The following CSMD1 variants were observed in gnomAD, a reference collection of about 807,000 sequenced individuals.
CSMD1 encodes the protein CUB and sushi domain-containing protein 1.
CSMD1 carries 213 observed loss-of-function variants against 417.5 expected under a neutral mutation model. That is an observed-to-expected ratio of 0.51 (90% CI 0.46 to 0.57). The LOEUF (loss-of-function observed/expected upper bound fraction) is 0.57, where lower values mean the gene tolerates loss of function less well. Among genes scored for constraint, CSMD1 ranks in the 20% least tolerant of loss-of-function variants. The pLI, the probability that CSMD1 is intolerant of heterozygous loss-of-function variation, is 0.00. For synonymous variants in CSMD1, 2,862 were observed against 1,736.8 expected (o/e 1.65, Z -16.11); for missense variants, 6,923 against 4,529.7 (o/e 1.53, Z -15.17).
At chr8:4,737,278 T>C (rs958138168) in intron 1 of CSMD1, among the ~76,000 whole-genome samples, 1 of 151,794 alleles carries the variant, frequency 6.6e-6, no homozygotes, top group African/African-American at 2.4e-5. Flanking sequence ...AAGTGGGAGC[T>C]AACTGATAAG....
intron 1 of CSMD1, among the ~76,000 whole-genome samples, chr8:4,848,787 G>A (rs199696294): frequency 4.6e-5 from 7 of 152,262 alleles, no homozygotes; most frequent in East Asian, 3.9e-4. Context: ...CAGGTGATTC[G>A]GCCGTCTCAG....
At chr8:3,100,406 A>C (rs994778048) in intron 46 of CSMD1, among the ~76,000 whole-genome samples, 21 of 151,402 alleles carry the variant, frequency 1.4e-4, no homozygotes, top group African/African-American at 5.1e-4. Flanking sequence ...ATATGGAACC[A>C]CTCCTTCTCC....
intron 1 of CSMD1, among the ~76,000 whole-genome samples, chr8:4,675,255 A>G (rs921797074): frequency 6.6e-6 from 1 of 152,198 alleles, no homozygotes; most frequent in Non-Finnish European, 1.5e-5. Flanking sequence ...AAAACACTTA[A>G]AACTTTCACT....
chr8:3,701,768 G>C (rs974402478), intron 7 of CSMD1, among the ~76,000 whole-genome samples: 3 of 152,098 alleles, frequency 2.0e-5, no homozygotes, highest in East Asian at 1.9e-4. Context: ...CAGTAATTGA[G>C]ACATCACTTT....
At chr8:4,422,674 G>A (rs571950190) in intron 2 of CSMD1, among the ~76,000 whole-genome samples, 2 of 152,126 alleles carry the variant, frequency 1.3e-5, no homozygotes, top group African/African-American at 2.4e-5. Context: ...ATAGTAGTTT[G>A]TTATGGCAGC....
At chr8:3,225,119 T>C (rs1172684755) in intron 27 of CSMD1, among the ~76,000 whole-genome samples, 1 of 152,178 alleles carries the variant, frequency 6.6e-6, no homozygotes, top group Non-Finnish European at 1.5e-5. Flanking sequence ...GTAAATAAGA[T>C]GAAGGAAGAT....
At chr8:4,985,986 C>T (rs1306408964) in intron 1 of CSMD1, among the ~76,000 whole-genome samples, 1 of 152,164 alleles carries the variant, frequency 6.6e-6, no homozygotes, top group Non-Finnish European at 1.5e-5. Flanking sequence ...TTGCCAAGGT[C>T]TCTCTTCTTT....
chr8:4,864,572 T>C (rs1802315290), intron 1 of CSMD1, among the ~76,000 whole-genome samples: 1 of 151,738 alleles, frequency 6.6e-6, no homozygotes, highest in South Asian at 2.1e-4. Context: ...TTGCCAGAGT[T>C]CATAATGATC....
At chr8:4,787,528 T>C in intron 1 of CSMD1, 4 of 1,197,348 alleles carry the variant, frequency 3.3e-6, no homozygotes, top group Non-Finnish European at 4.9e-6. Flanking sequence ...AGGAAGCAGG[T>C]ATTAAAACTG....
chr8:4,982,688 C>T (rs1584950673), intron 1 of CSMD1, among the ~76,000 whole-genome samples: 1 of 152,078 alleles, frequency 6.6e-6, no homozygotes. Context: ...TTTTAAAAGA[C>T]CTATCATTGT....
At chr8:3,246,980 G>C (rs1799924943) in intron 26 of CSMD1, among the ~76,000 whole-genome samples, 1 of 152,164 alleles carries the variant, frequency 6.6e-6, no homozygotes, top group Non-Finnish European at 1.5e-5. Context: ...AGTGAATTAT[G>C]TTAAGGCAAG....
In CSMD1 at chr8:4,013,809, T is replaced by G. The variant is rs147384234; in HGVS notation, c.611-15699A>C. Among the ~76,000 whole-genome samples, 524 of 152,302 alleles carry G rather than the reference T, an allele frequency of 3.4e-3. 2 individuals carry two copies. The highest frequency in any genetic ancestry group is 0.011 in the African/African-American group (477 of 41,546). On this transcript the variant is annotated intron_variant, in intron 4 of 69. Coordinates refer to ENST00000635120, the MANE Select transcript of CSMD1 (RefSeq NM_033225.6). ...TTTACTGAAACACAGCCAGTCTATC[T>G]GTTTAGGTGGTGTCTATGGGGTCTT...
chr8:3,030,562 T>C (rs1328764457), intron 50 of CSMD1, among the ~76,000 whole-genome samples: 1 of 152,024 alleles, frequency 6.6e-6, no homozygotes, highest in African/African-American at 2.4e-5. Flanking sequence ...CTGCAAACTC[T>C]ACCTCCCGGG....
At chr8:4,761,377 TGTGTGTGTATATATATA>T (rs1036510208) in intron 1 of CSMD1, among the ~76,000 whole-genome samples, 1 of 151,988 alleles carries the variant, frequency 6.6e-6, no homozygotes, top group African/African-American at 2.4e-5. Flanking sequence ...ACTTGGTGTG[TGTGTGTGTATATATATA>T]TATACACACA....
chr8:4,500,653 TA>T (rs1396589557), intron 2 of CSMD1, among the ~76,000 whole-genome samples: 11 of 152,166 alleles, frequency 7.2e-5, no homozygotes, highest in Admixed American at 7.2e-4. Flanking sequence ...TGAGAGGTGT[TA>T]GTAAATGTTC....
intron 5 of CSMD1, among the ~76,000 whole-genome samples, chr8:3,819,792 T>C (rs530506465): frequency 1.1e-4 from 16 of 152,260 alleles, no homozygotes; most frequent in African/African-American, 3.9e-4. Context: ...GCAATCCTTT[T>C]GCCTGGCCTC....
chr8:3,634,598 T>A lies in CSMD1; in HGVS notation c.1010-17801A>T, dbSNP rs982949978. 3.9e-5 allele frequency among the ~76,000 whole-genome samples: 6 copies of A among 152,280 alleles called. No individual in the cohort carries two copies. In the South Asian group the frequency reaches 6.2e-4, roughly 16 times the overall value. On this transcript the variant is annotated intron_variant, in intron 7 of 69. Coordinates refer to ENST00000635120, the MANE Select transcript of CSMD1 (RefSeq NM_033225.6). ...AGCCATAGCCATGCACATAATGACCTTCCTGAGCTCTGTGCAGCCTTCTAT... is the reference window on the plus strand; with the variant it reads ...AGCCATAGCCATGCACATAATGACCATCCTGAGCTCTGTGCAGCCTTCTAT...
At chr8:4,588,868 C>G (rs549945832) in intron 2 of CSMD1, among the ~76,000 whole-genome samples, 6 of 151,936 alleles carry the variant, frequency 3.9e-5, no homozygotes, top group African/African-American at 1.4e-4. Context: ...TCCACTGACG[C>G]GAATGTGATG....
chr8:3,458,814 C>T (rs949762537), intron 12 of CSMD1, among the ~76,000 whole-genome samples: 2 of 152,124 alleles, frequency 1.3e-5, no homozygotes, highest in South Asian at 2.1e-4. Context: ...TCTGGAGAAA[C>T]AGGATTGAAT....
Sources: allele counts gnomAD v4.1 joint callset (sites outside exome capture counted in the v4.1 genomes callset), GRCh38; gene constraint gnomAD v4.1.1; transcripts MANE v1.5; gene names NCBI Gene and HGNC (gene_info 2026-07-23, HGNC 2026-07-21).